ELMOD3: variants seen among roughly 807,000 people sequenced by gnomAD.
ELMOD3 encodes the protein ELMO domain-containing protein 3.
ELMOD3 carries 36 observed loss-of-function variants against 47.4 expected under a neutral mutation model. That is an observed-to-expected ratio of 0.76 (90% CI 0.58 to 1.00). The LOEUF is 1.00. Ranked by LOEUF, ELMOD3 falls within the 50% of genes least tolerant of loss-of-function variation. ELMOD3 has a pLI of 0.00. For synonymous variants in ELMOD3, 149 were observed against 183.5 expected, an observed-to-expected ratio of 0.81 and a Z score of 1.52; for missense variants, 404 against 463.8, an observed-to-expected ratio of 0.87 and a Z score of 1.18.
At chr2:85,361,534 G>A (rs1414014463) in intron 4 of ELMOD3, among the ~76,000 whole-genome samples, 1 of 152,138 alleles carries the variant, frequency 6.6e-6, no homozygotes, top group Non-Finnish European at 1.5e-5. Context: ...CTAACACAGA[G>A]CAGAAATCCA....
At chr2:85,361,297 C>G (rs1201023441) in intron 4 of ELMOD3, among the ~76,000 whole-genome samples, 2 of 152,160 alleles carry the variant, frequency 1.3e-5, no homozygotes, top group Non-Finnish European at 2.9e-5. Context: ...CACTCAGAAC[C>G]CTCAGACTTT....
chr2:85,374,708 AGG>A (rs1464199746), intron 10 of ELMOD3, among the ~76,000 whole-genome samples: 16 of 151,540 alleles, frequency 1.1e-4, no homozygotes, highest in African/African-American at 3.9e-4. Flanking sequence ...GCTACTGGGG[AGG>A]CTGAGGCAGA....
rs556212601 is a variant in ELMOD3, at chr2:85,375,288, T to C, written c.608-2056T>C. Among the ~76,000 whole-genome samples, 3 of 152,364 alleles carry C rather than the reference T, an allele frequency of 2.0e-5. No individual in the cohort carries two copies. The East Asian group carries it at 5.8e-4, about 29-fold the overall frequency. On this transcript the variant is annotated intron_variant, in intron 10 of 13. Coordinates refer to ENST00000409013, the MANE Select transcript of ELMOD3 (RefSeq NM_001135022.2). Reference sequence around the variant, plus strand: ...CAGCTCCACACTTTGTCCTCTCTTGTGGGATTCCAATGATACAAATGCTAT... The same window carrying C: ...CAGCTCCACACTTTGTCCTCTCTTGCGGGATTCCAATGATACAAATGCTAT...
chr2:85,377,236 C>T lies in ELMOD3; in HGVS notation c.608-108C>T, dbSNP rs540483641. 1,349 of 1,042,034 alleles carry T rather than the reference C, an allele frequency of 1.3e-3. 3 individuals are homozygous for T. Among genetic ancestry groups the T allele is most frequent in the Admixed American group, 1.6e-3 (55 of 33,530 alleles). The allele number at this position is 1,042,034 out of a possible 1,614,324, so 64.5% of individuals were successfully genotyped here. ...TGGCAGAAAGTGGACGTGTGCTGCT[C>T]ATGCTCCGCTAGCCTGGGAAGAGGC... On this transcript the variant is annotated intron_variant, in intron 10 of 13. Transcript: ENST00000409013.
At chr2:85,363,259 C>A in intron 6 of ELMOD3, 93 bp downstream of exon 6, 1 of 720,568 alleles carries the variant, frequency 1.4e-6, no homozygotes. Flanking sequence ...TTCTCTCACT[C>A]CTTGTCTTTC....
chr2:85,366,118 C>T (rs1391212147), intron 6 of ELMOD3, among the ~76,000 whole-genome samples: 1 of 148,778 alleles, frequency 6.7e-6, no homozygotes, highest in Admixed American at 6.7e-5. Flanking sequence ...GCCACATACC[C>T]AGCTAATTTT....
intron 9 of ELMOD3, 115 bp downstream of exon 9, chr2:85,371,324 G>A: frequency 6.3e-7 from 1 of 1,599,840 alleles, no homozygotes. Flanking sequence ...GTTGGCGGGT[G>A]AGAGTGGGAG....
Position 85,390,828 on chromosome 2 carries a change from G to C in ELMOD3, c.1012G>C (p.Val338Leu). The C allele has an allele frequency of 6.4e-7, 1 of 1,551,638 alleles. No individual in the cohort carries two copies. The highest frequency in any genetic ancestry group is 1.2e-5 in the South Asian group (1 of 84,066). ...GACCCTGGAGCTGTACTTGGCCAGG[G>C]TGTCAAAGGGACAGGCCTCCTTGTT... ...LKTLELYLAR[V>L]SKGQASLLGA... The change falls in exon 14 of 14, where the codon GTG becomes CTG. Residue 338 changes from valine (V) to leucine (L), a missense_variant. Physicochemically the swap from Val to Leu is conservative, Grantham distance 32. Coordinates refer to ENST00000409013, the MANE Select transcript of ELMOD3 (RefSeq NM_001135022.2).
intron 6 of ELMOD3, among the ~76,000 whole-genome samples, chr2:85,364,862 G>A (rs2104533718): frequency 8.5e-6 from 1 of 118,174 alleles, no homozygotes; most frequent in South Asian, 2.6e-4. Context: ...TCCAGAGACA[G>A]GGTCTCACTC....
chr2:85,367,384 C>G (rs1684461353), intron 6 of ELMOD3, among the ~76,000 whole-genome samples: 2 of 152,122 alleles, frequency 1.3e-5, no homozygotes. Flanking sequence ...AGTCTTGATT[C>G]CAGCAGAGGG....
At chr2:85,379,659 TG>T (rs1457566575) in intron 11 of ELMOD3, among the ~76,000 whole-genome samples, 1 of 152,254 alleles carries the variant, frequency 6.6e-6, no homozygotes, top group African/African-American at 2.4e-5. Flanking sequence ...TCCAGTTTCC[TG>T]TTTTTACTAA....
At chr2:85,381,883 C>A (rs560609342) in intron 11 of ELMOD3, among the ~76,000 whole-genome samples, 2 of 151,816 alleles carry the variant, frequency 1.3e-5, no homozygotes, top group Non-Finnish European at 2.9e-5. Context: ...TTTGGGAGGC[C>A]GAGGCAGGCA....
intron 11 of ELMOD3, among the ~76,000 whole-genome samples, chr2:85,379,288 C>T (rs1308947791): frequency 1.3e-5 from 2 of 152,212 alleles, no homozygotes; most frequent in Non-Finnish European, 2.9e-5. Context: ...CACACTGCAG[C>T]CTTCGCCTCC....
At chr2:85,374,634 G>T (rs1188215091) in intron 10 of ELMOD3, among the ~76,000 whole-genome samples, 1 of 151,742 alleles carries the variant, frequency 6.6e-6, no homozygotes, top group African/African-American at 2.4e-5. Context: ...AAGCCACCAT[G>T]CCTGGCCAAA....
intron 11 of ELMOD3, among the ~76,000 whole-genome samples, chr2:85,388,145 T>C (rs1413296507): frequency 2.6e-5 from 4 of 152,180 alleles, no homozygotes; most frequent in South Asian, 4.2e-4. Context: ...TTGTGTTTGT[T>C]TTTTTGAAAA....
At chr2:85,383,335 T>C (rs1312110415) in intron 11 of ELMOD3, among the ~76,000 whole-genome samples, 1 of 150,912 alleles carries the variant, frequency 6.6e-6, no homozygotes, top group East Asian at 2.0e-4. Flanking sequence ...CACCATATCA[T>C]ATTGCTTGAT....
rs775053769 is a variant in ELMOD3, at chr2:85,390,311, C to G, written c.943+46C>G. The G allele has an allele frequency of 3.1e-6, 5 of 1,613,944 alleles. No homozygotes were observed. In the African/African-American group the frequency reaches 4.0e-5, roughly 13 times the overall value. ...AGGCCTAGGCTGAATGCACAGTGTC[C>G]CAGGTCCAGAGAGCCCAAGGTGGTT... On this transcript the variant is annotated intron_variant, in intron 13 of 13. Transcript: ENST00000409013.
At chr2:85,364,334 C>T (rs1044410187) in intron 6 of ELMOD3, among the ~76,000 whole-genome samples, 1 of 151,880 alleles carries the variant, frequency 6.6e-6, no homozygotes, top group African/African-American at 2.4e-5. Flanking sequence ...GCCTGTAACC[C>T]CAGCACTTTG....
intron 5 of ELMOD3, 34 bp from the exon 6 acceptor site, chr2:85,363,063 C>G: frequency 7.1e-7 from 1 of 1,412,988 alleles, no homozygotes; most frequent in Non-Finnish European, 1.0e-6. Flanking sequence ...TATGTGGATT[C>G]TATCCTCAAG....
Sources: allele counts gnomAD v4.1 joint callset (sites outside exome capture counted in the v4.1 genomes callset), GRCh38; gene constraint gnomAD v4.1.1; transcripts MANE v1.5; gene names NCBI Gene and HGNC (gene_info 2026-07-23, HGNC 2026-07-21).